The following MGAT5 variants were observed in gnomAD, a reference collection of about 807,000 sequenced individuals.
The protein encoded by MGAT5 is alpha-1,6-mannosylglycoprotein 6-beta-N-acetylglucosaminyltransferase A.
In MGAT5, 30 loss-of-function variants were observed where a neutral mutation model predicts 94.3. That is an observed-to-expected ratio of 0.32 (90% CI 0.24 to 0.43). The LOEUF (loss-of-function observed/expected upper bound fraction) is 0.43, where lower values mean the gene tolerates loss of function less well. Ranked by LOEUF, MGAT5 falls within the 20% of genes least tolerant of loss-of-function variation. MGAT5 has a pLI of 1.00. For synonymous variants in MGAT5, 310 were observed against 322.9 expected (o/e 0.96, Z 0.43); for missense variants, 691 against 905.5 (o/e 0.76, Z 3.04).
In MGAT5 at chr2:134,254,433, C is replaced by G; in HGVS notation, c.30C>G (p.Ser10=). ...CTCTCTTCACTCCGTGGAAGTTGTC[C>G]TCTCAGAAGCTGGGCTTTTTCCTGG... MALFTPWKL[S]SQKLGFFLVT... is the part of the protein sequence containing the mutation. The change falls in exon 1 of 16, where the codon TCC becomes TCG. Residue 10 remains serine, a synonymous_variant. Coordinates refer to ENST00000281923, the MANE Select transcript of MGAT5 (RefSeq NM_002410.5). 1 of 1,614,206 alleles carries G rather than the reference C, an allele frequency of 6.2e-7. No homozygotes were observed. Among genetic ancestry groups the G allele is most frequent in the East Asian group, 2.2e-5 (1 of 44,888 alleles).
chr2:134,443,927 T>G (rs1001153078), intron 15 of MGAT5, among the ~76,000 whole-genome samples: 1 of 152,140 alleles, frequency 6.6e-6, no homozygotes, highest in South Asian at 2.1e-4. Context: ...ACAGCACGGC[T>G]TCCTTCCTGG....
chr2:134,341,033 C>T (rs1688595471), intron 6 of MGAT5, among the ~76,000 whole-genome samples: 1 of 152,034 alleles, frequency 6.6e-6, no homozygotes, highest in Non-Finnish European at 1.5e-5. Context: ...AGGTTTGTTC[C>T]TTTTAGGGAT....
At position 134,273,622 on chromosome 2, in the gene MGAT5, C is replaced by CTG. The variant is rs3034326; in HGVS notation, c.406+3094_406+3095dup. On this transcript the variant is annotated intron_variant, in intron 2 of 15. Coordinates refer to ENST00000281923, the MANE Select transcript of MGAT5 (RefSeq NM_002410.5). ...ATTTATTTTCTTTAGGGGGATAGCT[C>CTG]TGTGTGTGTGTGTGTGTGTGTGTCT... is the stretch of plus-strand genomic sequence containing the variant. Among the ~76,000 whole-genome samples, 880 of 149,886 alleles carry CTG rather than the reference C, an allele frequency of 5.9e-3. 7 individuals carry two copies. Among genetic ancestry groups the CTG allele is most frequent in the South Asian group, 0.023 (107 of 4,712 alleles).
intron 1 of MGAT5, among the ~76,000 whole-genome samples, chr2:134,255,048 A>G (rs1186762162): frequency 6.6e-6 from 1 of 152,126 alleles, no homozygotes; most frequent in African/African-American, 2.4e-5. Flanking sequence ...ATGGGGAGGA[A>G]TGTTCTATGG....
chr2:134,266,716 A>G (rs114756489), intron 1 of MGAT5, among the ~76,000 whole-genome samples: 3 of 152,336 alleles, frequency 2.0e-5, no homozygotes, highest in Non-Finnish European at 2.9e-5. Context: ...GCACTGTATA[A>G]TGATACAGAT....
chr2:134,372,297 A>G (rs1301024859), intron 10 of MGAT5, among the ~76,000 whole-genome samples: 2 of 152,178 alleles, frequency 1.3e-5, no homozygotes, highest in African/African-American at 4.8e-5. Flanking sequence ...CAGCTGATCA[A>G]CCACACGGCT....
At chr2:134,195,339 T>C (rs1679445496) in intron 1 of MGAT5, among the ~76,000 whole-genome samples, 1 of 152,224 alleles carries the variant, frequency 6.6e-6, no homozygotes, top group Non-Finnish European at 1.5e-5. Flanking sequence ...GAATTTTCTG[T>C]TTCTAGACAA....
intron 1 of MGAT5, among the ~76,000 whole-genome samples, chr2:134,181,534 C>G (rs936953577): frequency 1.3e-5 from 2 of 152,136 alleles, no homozygotes; most frequent in African/African-American, 4.8e-5. Context: ...ACAATCTGAC[C>G]TCAGCCAGTC....
At position 134,377,343 on chromosome 2, in the gene MGAT5, G is replaced by A. The variant is rs112451953; in HGVS notation, c.1380+14935G>A. ...AGCTGTGGTCTAAGCAGAAAGAAAG[G>A]TGAAGGGGCTGGAGCCTTTTCTCAA... On this transcript the variant is annotated intron_variant, in intron 10 of 15. Transcript: ENST00000281923. Among the ~76,000 whole-genome samples the A allele has an allele frequency of 4.7e-3, 713 of 152,302 alleles. 7 individuals are homozygous for A. Among genetic ancestry groups the A allele is most frequent in the African/African-American group, 0.016 (666 of 41,570 alleles).
At chr2:134,169,441 T>C (rs867533151) in intron 1 of MGAT5, among the ~76,000 whole-genome samples, 310 of 145,082 alleles carry the variant, frequency 2.1e-3, no homozygotes, top group African/African-American at 7.7e-3. Flanking sequence ...CACACACACA[T>C]ATATAAAAGA....
chr2:134,377,428 C>T (rs16830518), intron 10 of MGAT5, among the ~76,000 whole-genome samples: 4,989 of 152,300 alleles, frequency 0.033, 284 homozygotes, highest in African/African-American at 0.11. Context: ...ATTATTTGAC[C>T]TAGGTCACAT....
intron 1 of MGAT5, among the ~76,000 whole-genome samples, chr2:134,131,833 A>G (rs967253818): frequency 6.6e-6 from 1 of 152,036 alleles, no homozygotes; most frequent in Non-Finnish European, 1.5e-5. Context: ...CTGGGCTTGC[A>G]CCTTCAGACC....
At position 134,317,605 on chromosome 2, in the gene MGAT5, G is replaced by A; in HGVS notation, c.483G>A (p.Lys161=). The change falls in exon 3 of 16, where the codon AAG becomes AAA. Residue 161 remains lysine, a splice_region_variant and synonymous_variant. Transcript: ENST00000281923. ...ACCCTCACTGTGAGGGAAAGATCAAGGTAAGGCAGAGGCAAGCATCATCCC... is the reference window on the plus strand; with the variant it reads ...ACCCTCACTGTGAGGGAAAGATCAAAGTAAGGCAGAGGCAAGCATCATCCC... The part of the protein sequence containing the change: ...DGYPHCEGKI[K]WMKDMWRSDP... The A allele has an allele frequency of 6.5e-7, 1 of 1,549,302 alleles. No homozygotes were observed.
At chr2:134,130,648 A>C (rs1387664696) in intron 1 of MGAT5, among the ~76,000 whole-genome samples, 4 of 143,606 alleles carry the variant, frequency 2.8e-5, no homozygotes, top group African/African-American at 9.8e-5. Flanking sequence ...TTGTAAATGC[A>C]CCAATCAGCA....
intron 1 of MGAT5, among the ~76,000 whole-genome samples, chr2:134,176,152 G>A (rs1688453752): frequency 6.6e-6 from 1 of 152,106 alleles, no homozygotes; most frequent in Admixed American, 6.5e-5. Flanking sequence ...GGCTGAAGGG[G>A]GTTGCTGGGC....
intron 1 of MGAT5, among the ~76,000 whole-genome samples, chr2:134,188,425 T>C (rs62165710): frequency 0.18 from 26,652 of 152,284 alleles, 2,555 homozygotes; most frequent in East Asian, 0.35. Flanking sequence ...AGTGCTCTCA[T>C]CTGCAAAGTG....
intron 2 of MGAT5, among the ~76,000 whole-genome samples, chr2:134,276,139 G>A (rs1279134168): frequency 6.6e-6 from 1 of 151,788 alleles, no homozygotes; most frequent in Non-Finnish European, 1.5e-5. Flanking sequence ...CCTTTTCCTA[G>A]CAAGGCTGTT....
chr2:134,203,001 A>G (rs1409795757), intron 1 of MGAT5, among the ~76,000 whole-genome samples: 1 of 152,236 alleles, frequency 6.6e-6, no homozygotes, highest in Non-Finnish European at 1.5e-5. Context: ...AAAATCACCT[A>G]TAAATGCAAC....
At chr2:134,192,613 T>C (rs1331353799) in intron 1 of MGAT5, among the ~76,000 whole-genome samples, 1 of 152,206 alleles carries the variant, frequency 6.6e-6, no homozygotes, top group Non-Finnish European at 1.5e-5. Context: ...TATACAGAGG[T>C]ATGATATACA....
Sources: allele counts gnomAD v4.1 joint callset (sites outside exome capture counted in the v4.1 genomes callset), GRCh38; gene constraint gnomAD v4.1.1; transcripts MANE v1.5; gene names NCBI Gene and HGNC (gene_info 2026-07-23, HGNC 2026-07-21).